The following FAAH2 variants were observed in gnomAD, a reference collection of about 807,000 sequenced individuals.
The protein encoded by FAAH2 is fatty-acid amide hydrolase 2.
A neutral mutation model predicts 36.9 loss-of-function variants in FAAH2; 60 were observed. The ratio of observed to expected loss-of-function variants is 1.63; its 90% confidence interval spans 1.32 to 2.02. The LOEUF is 2.02. FAAH2 is among the 30% of genes most tolerant of loss of function. The pLI, the probability that FAAH2 is intolerant of heterozygous loss-of-function variation, is 0.00. For missense variants in FAAH2, 689 were observed against 397.5 expected (o/e 1.73, Z -6.23); for synonymous variants, 214 against 143.8 (o/e 1.49, Z -3.49).
At chrX:57,408,478 G>A (rs183120973) in intron 7 of FAAH2, among the ~76,000 whole-genome samples, 117 of 110,679 alleles carry the variant, frequency 1.1e-3, no homozygotes, top group African/African-American at 2.7e-3. Context: ...GGATTTTTAC[G>A]TATGAGAACA....
chrX:57,431,727 T>C (rs1006348775), intron 7 of FAAH2, among the ~76,000 whole-genome samples, 191 bp from the exon 8 acceptor site: 1 of 110,149 alleles, frequency 9.1e-6, no homozygotes. Context: ...AAAACTACTT[T>C]GCTCTATATA....
intron 10 of FAAH2, among the ~76,000 whole-genome samples, chrX:57,480,667 A>G (rs1448168347): frequency 9.0e-6 from 1 of 111,316 alleles, no homozygotes; most frequent in East Asian, 2.8e-4. Flanking sequence ...GCTGCTGTTA[A>G]CATTTTTTCC....
the FAAH2 span, among the ~76,000 whole-genome samples, chrX:57,213,506 C>CAGAA: frequency 1.8e-5 from 2 of 111,347 alleles, no homozygotes; most frequent in African/African-American, 6.5e-5. Flanking sequence ...TTCTGTATCC[C>CAGAA]AGAATTTTTG....
At chrX:57,290,225 G>A in intron 1 of FAAH2, 1 of 712,896 alleles carries the variant, frequency 1.4e-6, no homozygotes, top group Non-Finnish European at 1.6e-6. Context: ...CTCACGTGCT[G>A]CATGCTACAA....
In FAAH2 at chrX:57,481,867, C is replaced by T. The variant is rs769748191; in HGVS notation, c.1424-6890C>T. ...AAGCTGCTCCCACAGCTACCCCTTCCCCCAGATGCTCTGTCCCAGGGAGAT... is the reference window on the plus strand; with the variant it reads ...AAGCTGCTCCCACAGCTACCCCTTCTCCCAGATGCTCTGTCCCAGGGAGAT... On this transcript the variant is annotated intron_variant, in intron 10 of 10. Coordinates refer to ENST00000374900, the MANE Select transcript of FAAH2 (RefSeq NM_174912.4). 4.5e-5 allele frequency among the ~76,000 whole-genome samples: 5 copies of T among 112,043 alleles called. No individual in the cohort carries two copies. The Admixed American group carries it at 4.7e-4, about 11-fold the overall frequency.
At chrX:57,332,866 C>T (rs1426888672) in intron 4 of FAAH2, among the ~76,000 whole-genome samples, 1 of 111,502 alleles carries the variant, frequency 9.0e-6, no homozygotes, top group Non-Finnish European at 1.9e-5. Flanking sequence ...TTTTTCAGAA[C>T]CTAACTTAGT....
the FAAH2 span, among the ~76,000 whole-genome samples, chrX:57,134,290 C>T: frequency 9.0e-6 from 1 of 111,698 alleles, no homozygotes; most frequent in Non-Finnish European, 1.9e-5. Context: ...ATGGCATCTG[C>T]CTCACCTGGA....
chrX:57,193,554 G>T, the FAAH2 span, among the ~76,000 whole-genome samples: 1 of 111,333 alleles, frequency 9.0e-6, no homozygotes, highest in African/African-American at 3.3e-5. Context: ...AAAATTGCTG[G>T]TTTTGCAGCT....
At chrX:57,163,608 G>C in the FAAH2 span, among the ~76,000 whole-genome samples, 1 of 111,983 alleles carries the variant, frequency 8.9e-6, no homozygotes, top group Non-Finnish European at 1.9e-5. Context: ...TATTCAGGTG[G>C]GAGTGACCCG....
At chrX:57,299,427 AATAAATTAGGTATTG>A (rs1299945769) in intron 2 of FAAH2, among the ~76,000 whole-genome samples, 1 of 111,802 alleles carries the variant, frequency 8.9e-6, no homozygotes, top group Non-Finnish European at 1.9e-5. Context: ...AAAAACTCTC[AATAAATTAGGTATTG>A]ATGGGATGTA....
Position 57,332,636 on chromosome X carries a change from T to G in FAAH2, c.622+829T>G, listed in dbSNP as rs2053440019. ...TTGCTGGAGGTTCATTGTGAAAAAGTTTGAGAATCAAAATGTATGTGGTGG... is the reference window on the plus strand; with the variant it reads ...TTGCTGGAGGTTCATTGTGAAAAAGGTTGAGAATCAAAATGTATGTGGTGG... On this transcript the variant is annotated intron_variant, in intron 4 of 10. Coordinates refer to ENST00000374900, the MANE Select transcript of FAAH2 (RefSeq NM_174912.4). Among the ~76,000 whole-genome samples the G allele has an allele frequency of 2.7e-5, 3 of 111,008 alleles. No individual in the cohort carries two copies. In the South Asian group the frequency reaches 1.1e-3, roughly 42 times the overall value.
intron 7 of FAAH2, chrX:57,393,567 A>G (rs1242848001): frequency 1.1e-6 from 1 of 941,168 alleles, no homozygotes; most frequent in Non-Finnish European, 1.5e-6. Context: ...GTGCCCTCCA[A>G]TCTCTGCATG....
intron 10 of FAAH2, among the ~76,000 whole-genome samples, chrX:57,466,014 G>T (rs902897115): frequency 9.2e-6 from 1 of 108,777 alleles, no homozygotes; most frequent in African/African-American, 3.3e-5. Context: ...TAATGCAAAA[G>T]ACTCTACAAA....
the FAAH2 span, among the ~76,000 whole-genome samples, chrX:57,175,892 T>C: frequency 8.9e-6 from 1 of 112,188 alleles, no homozygotes; most frequent in Non-Finnish European, 1.9e-5. Context: ...AGGCTAAAGA[T>C]AGGACCCCAA....
At chrX:57,272,504 GA>G in the FAAH2 span, among the ~76,000 whole-genome samples, 6 of 111,870 alleles carry the variant, frequency 5.4e-5, no homozygotes, top group African/African-American at 1.9e-4. Flanking sequence ...GGCAGCCAGA[GA>G]AAAAAGTCAG....
chrX:57,303,775 G>A (rs1264820636), intron 2 of FAAH2, among the ~76,000 whole-genome samples: 2 of 111,558 alleles, frequency 1.8e-5, no homozygotes, highest in African/African-American at 6.5e-5. Flanking sequence ...TGCCTAATTC[G>A]CTACCAAAAT....
At chrX:57,336,058 C>G (rs1002338631) in intron 4 of FAAH2, among the ~76,000 whole-genome samples, 6 of 111,511 alleles carry the variant, frequency 5.4e-5, no homozygotes, top group Non-Finnish European at 9.4e-5. Flanking sequence ...CCTCCGAGCC[C>G]AAGCTAAGCC....
At chrX:57,161,434 T>C in the FAAH2 span, among the ~76,000 whole-genome samples, 1 of 111,118 alleles carries the variant, frequency 9.0e-6, no homozygotes. Flanking sequence ...TCTGTCTTGT[T>C]GATCTGTCTA....
chrX:57,418,721 A>T (rs2055916269), intron 7 of FAAH2, among the ~76,000 whole-genome samples: 2 of 109,134 alleles, frequency 1.8e-5, no homozygotes, highest in African/African-American at 6.7e-5. Flanking sequence ...ATATATATAT[A>T]TATTTATTAT....
Sources: gnomAD v4.1 joint callset for allele counts (sites outside exome capture counted in the v4.1 genomes callset) on GRCh38, gnomAD v4.1.1 for gene constraint, MANE v1.5 for transcripts, NCBI Gene and HGNC (gene_info 2026-07-23, HGNC 2026-07-21) for gene names.